The following MYO5B variants were observed in gnomAD, a reference collection of about 807,000 sequenced individuals.
MYO5B encodes the protein myosin VB.
A neutral mutation model predicts 229.3 loss-of-function variants in MYO5B; 143 were observed. The ratio of observed to expected loss-of-function variants is 0.62; its 90% CI spans 0.54 to 0.72. The LOEUF (loss-of-function observed/expected upper bound fraction) is 0.72, where lower values mean the gene tolerates loss of function less well. Ranked by LOEUF, MYO5B falls within the 30% of genes least tolerant of loss-of-function variation. The pLI is 0.00. For synonymous variants in MYO5B, 918 were observed against 885.2 expected (o/e 1.04, Z -0.66); for missense variants, 2,321 against 2,331.0 (o/e 1.00, Z 0.09).
intron 1 of MYO5B, among the ~76,000 whole-genome samples, chr18:50,069,412 T>C (rs1484268525): frequency 2.0e-5 from 3 of 151,946 alleles, no homozygotes; most frequent in African/African-American, 4.8e-5. Context: ...ATTGGCAAAA[T>C]TTTCCCTTCC....
chr18:50,081,638 A>G (rs1232280082), intron 1 of MYO5B, among the ~76,000 whole-genome samples: 1 of 152,262 alleles, frequency 6.6e-6, no homozygotes, highest in Non-Finnish European at 1.5e-5. Flanking sequence ...TAAATAAATC[A>G]GGTGTCCTGG....
chr18:49,986,521 C>G (rs2025872453), intron 7 of MYO5B, among the ~76,000 whole-genome samples: 1 of 152,176 alleles, frequency 6.6e-6, no homozygotes, highest in Admixed American at 6.5e-5. Flanking sequence ...GACCAGTGGC[C>G]AAGGCACTTG....
intron 25 of MYO5B, among the ~76,000 whole-genome samples, chr18:49,876,737 A>G (rs567393575): frequency 4.6e-5 from 7 of 152,350 alleles, no homozygotes; most frequent in East Asian, 3.9e-4. Flanking sequence ...AAAGCCAAGC[A>G]TCTCAAGCCA....
chr18:50,070,020 T>C (rs958238192), intron 1 of MYO5B, among the ~76,000 whole-genome samples: 1 of 76,616 alleles, frequency 1.3e-5, no homozygotes, highest in Non-Finnish European at 2.8e-5. Flanking sequence ...AATTTAGTCT[T>C]TTTTTTTTTT....
chr18:49,849,765 G>T, intron 31 of MYO5B, 105 bp from the exon 32 acceptor site: 1 of 861,074 alleles, frequency 1.2e-6, no homozygotes. Flanking sequence ...CCCATGGGCA[G>T]CCGTCAGAAA....
intron 20 of MYO5B, among the ~76,000 whole-genome samples, chr18:49,904,259 T>G (rs2024874741): frequency 6.6e-6 from 1 of 152,204 alleles, no homozygotes; most frequent in African/African-American, 2.4e-5. Flanking sequence ...TAGTTCTCAT[T>G]AGAGCTGCTT....
At chr18:49,899,721 G>T (rs2024818988) in intron 21 of MYO5B, among the ~76,000 whole-genome samples, 1 of 152,142 alleles carries the variant, frequency 6.6e-6, no homozygotes, top group Admixed American at 6.5e-5. Flanking sequence ...GTTCTGGTGG[G>T]GATTAAATGA....
At chr18:49,869,097 C>T (rs1032495646) in intron 27 of MYO5B, among the ~76,000 whole-genome samples, 3 of 152,162 alleles carry the variant, frequency 2.0e-5, no homozygotes, top group African/African-American at 7.2e-5. Context: ...GGTGTATCGA[C>T]TCATCATCTT....
In MYO5B at chr18:50,106,751, T is replaced by C. The variant is rs568134709; in HGVS notation, c.28-51373A>G. ...CTAACTCCACATGTCAGACAATTCA[T>C]CTGTGTCCCTGACAGACCCAGTCCG... On this transcript the variant is annotated intron_variant, in intron 1 of 39. Coordinates refer to ENST00000285039, the MANE Select transcript of MYO5B (RefSeq NM_001080467.3). 1.8e-4 allele frequency among the ~76,000 whole-genome samples: 27 copies of C among 152,322 alleles called. No homozygotes were observed. In the South Asian group the frequency reaches 5.6e-3, roughly 32 times the overall value.
chr18:49,839,626 C>T (rs555005612), intron 35 of MYO5B, among the ~76,000 whole-genome samples: 1 of 152,222 alleles, frequency 6.6e-6, no homozygotes, highest in Non-Finnish European at 1.5e-5. Flanking sequence ...CTTCATCCAG[C>T]GCTTTCCTCA....
At chr18:50,039,170 G>A (rs541612456) in intron 3 of MYO5B, among the ~76,000 whole-genome samples, 80 of 152,266 alleles carry the variant, frequency 5.3e-4, no homozygotes, top group African/African-American at 1.8e-3. Flanking sequence ...TCCCACAAAG[G>A]AGCCCAGCAG....
intron 11 of MYO5B, 126 bp from the exon 12 acceptor site, chr18:49,962,532 TAA>T (rs2025571547): frequency 7.5e-7 from 1 of 1,328,088 alleles, no homozygotes. Flanking sequence ...GTTTGGATGC[TAA>T]GTCATAGTTA....
chr18:50,194,826 C>A lies in MYO5B; in HGVS notation c.-33G>T. 7.7e-7 allele frequency: 1 copy of A among 1,300,728 alleles called. No homozygotes were observed. Among genetic ancestry groups the A allele is most frequent in the South Asian group, 2.3e-5 (1 of 42,784 alleles). 80.6% of individuals were successfully genotyped at this position (1,300,728 alleles called of 1,614,324 possible). ...GCCGGGCGGGGCTCGGGCCCCGGCTCCTGGCTGCCCCGCGGCTCTCAGTCC... is the reference window on the plus strand; with the variant it reads ...GCCGGGCGGGGCTCGGGCCCCGGCTACTGGCTGCCCCGCGGCTCTCAGTCC... On this transcript the variant is annotated 5_prime_UTR_variant, in exon 1 of 40. Transcript: ENST00000285039.
At chr18:50,010,660 G>A (rs1427162366) in intron 4 of MYO5B, among the ~76,000 whole-genome samples, 1 of 152,208 alleles carries the variant, frequency 6.6e-6, no homozygotes, top group Non-Finnish European at 1.5e-5. Flanking sequence ...AGATGAAAGT[G>A]AGCAACAGAG....
intron 12 of MYO5B, among the ~76,000 whole-genome samples, chr18:49,961,998 C>T (rs1324029104): frequency 6.6e-6 from 1 of 152,212 alleles, no homozygotes; most frequent in Non-Finnish European, 1.5e-5. Context: ...CAAGTCCAAA[C>T]CACCATATTA....
intron 1 of MYO5B, among the ~76,000 whole-genome samples, chr18:50,131,850 T>C (rs2032258730): frequency 6.6e-6 from 1 of 152,144 alleles, no homozygotes; most frequent in East Asian, 1.9e-4. Context: ...AAACACACAC[T>C]CTGCATGAAC....
At chr18:49,903,257 G>A (rs1246074134) in intron 20 of MYO5B, among the ~76,000 whole-genome samples, 1 of 152,088 alleles carries the variant, frequency 6.6e-6, no homozygotes, top group East Asian at 1.9e-4. Context: ...TACAAACTTG[G>A]TGTGTAATTC....
intron 12 of MYO5B, among the ~76,000 whole-genome samples, chr18:49,955,250 A>G (rs1238593472): frequency 1.3e-5 from 2 of 152,190 alleles, no homozygotes; most frequent in Non-Finnish European, 1.5e-5. Flanking sequence ...GCCCCTTTCA[A>G]TATCTTTATG....
rs2025056905 is a variant in MYO5B at position 49,919,982 on chromosome 18, A to G, written c.2091-7809T>C. Reference sequence around the variant, plus strand: ...ATCTGATGAAATAATATTCAGCAATATAAAGGAATAAACTACTGACGGTTG... The same window carrying G: ...ATCTGATGAAATAATATTCAGCAATGTAAAGGAATAAACTACTGACGGTTG... On this transcript the variant is annotated intron_variant, in intron 17 of 39. Coordinates refer to ENST00000285039, the MANE Select transcript of MYO5B (RefSeq NM_001080467.3). Among the ~76,000 whole-genome samples, 3 of 152,260 alleles carry G rather than the reference A, an allele frequency of 2.0e-5. 1 individual carries two copies. The South Asian group carries it at 6.2e-4, about 32-fold the overall frequency.
Sources: gnomAD v4.1 joint callset for allele counts (sites outside exome capture counted in the v4.1 genomes callset) on GRCh38, gnomAD v4.1.1 for gene constraint, MANE v1.5 for transcripts, NCBI Gene and HGNC (gene_info 2026-07-23, HGNC 2026-07-21) for gene names.